EGF: variants seen among roughly 807,000 people sequenced by gnomAD.
EGF encodes the protein pro-epidermal growth factor.
A neutral mutation model predicts 143.8 loss-of-function variants in EGF; 95 were observed. That is an observed-to-expected ratio of 0.66 (90% CI 0.56 to 0.78). The LOEUF (loss-of-function observed/expected upper bound fraction) is 0.78, where lower values mean the gene tolerates loss of function less well. Among genes scored for constraint, EGF ranks in the 30% least tolerant of loss-of-function variants. The probability of loss-of-function intolerance (pLI) is 0.00; values close to 1 mark genes in which losing one functional copy is unlikely to be tolerated. For missense variants in EGF, 1,320 were observed against 1,470.9 expected (o/e 0.90, Z 1.68); for synonymous variants, 510 against 510.5 (o/e 1.00, Z 0.01).
Position 109,913,223 on chromosome 4 carries a change from C to A in EGF, c.-113C>A. 7.4e-7 allele frequency: 1 copy of A among 1,357,068 alleles called. No homozygotes were observed. The highest frequency in any genetic ancestry group is 1.0e-6 in the Non-Finnish European group (1 of 957,590). 84.1% of individuals were successfully genotyped at this position (1,357,068 alleles called of 1,614,324 possible). On this transcript the variant is annotated 5_prime_UTR_variant, in exon 1 of 24. It adds an upstream start codon to the 5' untranslated region. Coordinates refer to ENST00000265171, the MANE Select transcript of EGF (RefSeq NM_001963.6). ...CAGGAGAGTAAAAGATGCCCCAGGG[C>A]TGAGGCCTCCGCTCAGGCAGCCGCA...
chr4:109,983,392 A>C, intron 15 of EGF, 30 bp from the exon 16 acceptor site: 1 of 1,611,198 alleles, frequency 6.2e-7, no homozygotes, highest in Non-Finnish European at 8.5e-7. Flanking sequence ...AGAAAAGCTA[A>C]ATTTAATTGC....
At chr4:110,008,928 G>A (rs544673429) in intron 23 of EGF, among the ~76,000 whole-genome samples, 1 of 152,344 alleles carries the variant, frequency 6.6e-6, no homozygotes, top group African/African-American at 2.4e-5. Context: ...TGTGTCGTGA[G>A]CCTTTGGAAA....
intron 7 of EGF, among the ~76,000 whole-genome samples, chr4:109,961,253 G>A (rs905970641): frequency 1.3e-5 from 2 of 152,018 alleles, no homozygotes; most frequent in African/African-American, 2.4e-5. Flanking sequence ...CTACTGAGGA[G>A]GCTGAGGCAG....
chr4:109,929,364 A>G (rs1339276213), intron 1 of EGF, among the ~76,000 whole-genome samples: 1 of 152,196 alleles, frequency 6.6e-6, no homozygotes, highest in African/African-American at 2.4e-5. Context: ...GTGTTCTCCA[A>G]TTGAATGAAA....
chr4:110,002,733 G>A (rs1180431632), intron 21 of EGF, among the ~76,000 whole-genome samples: 1 of 151,870 alleles, frequency 6.6e-6, no homozygotes, highest in East Asian at 1.9e-4. Flanking sequence ...TGTCACTGGG[G>A]TTTGTTGTAC....
chr4:109,970,605 T>G (rs1315654288), intron 11 of EGF, among the ~76,000 whole-genome samples: 1 of 152,046 alleles, frequency 6.6e-6, no homozygotes, highest in Non-Finnish European at 1.5e-5. Flanking sequence ...GGTGGGCAGA[T>G]CACAAGGTCA....
At chr4:109,998,177 G>A (rs1042254969) in intron 20 of EGF, among the ~76,000 whole-genome samples, 5 of 152,204 alleles carry the variant, frequency 3.3e-5, no homozygotes, top group Admixed American at 2.0e-4. Context: ...AGGATCAGAG[G>A]TGTGGCCCAT....
In EGF at chr4:110,008,697, T is replaced by C. The variant is rs184500306; in HGVS notation, c.3370+467T>C. Among the ~76,000 whole-genome samples, 508 of 152,322 alleles carry C rather than the reference T, an allele frequency of 3.3e-3. 2 individuals are homozygous for C. Among genetic ancestry groups the C allele is most frequent in the Middle Eastern group, 0.017 (5 of 294 alleles). ...GGGATTTCAGAGTATTCAGGTCTTA[T>C]CAGGGGCATGACCTTAGCCAGACGC... On this transcript the variant is annotated intron_variant, in intron 23 of 23. Coordinates refer to ENST00000265171, the MANE Select transcript of EGF (RefSeq NM_001963.6).
chr4:109,972,120 G>A (rs574147118), intron 11 of EGF, among the ~76,000 whole-genome samples: 1 of 152,128 alleles, frequency 6.6e-6, no homozygotes, highest in East Asian at 1.9e-4. Context: ...TTTTCTCTTG[G>A]AGGATCTCAG....
intron 1 of EGF, among the ~76,000 whole-genome samples, chr4:109,935,173 T>C (rs755839735): frequency 2.6e-5 from 4 of 152,220 alleles, no homozygotes; most frequent in African/African-American, 9.7e-5. Flanking sequence ...TTTCACGATA[T>C]TGATTCTTCC....
Position 110,012,025 on chromosome 4 carries a change from G to T in EGF, c.*570G>T. 6.5e-6 allele frequency: 1 copy of T among 152,700 alleles called. No homozygotes were observed. Among genetic ancestry groups the T allele is most frequent in the Non-Finnish European group, 1.5e-5 (1 of 68,368 alleles). The allele number at this position is 152,700 out of a possible 1,614,324, so 9.5% of individuals were successfully genotyped here. A position where few individuals can be genotyped will look rare whatever the true frequency, so the allele number is the denominator to read the frequency against. On this transcript the variant is annotated 3_prime_UTR_variant, in exon 24 of 24. Coordinates refer to ENST00000265171, the MANE Select transcript of EGF (RefSeq NM_001963.6). ...GAAACTGATTTCTTCAGAATTAGAT[G>T]GCTTATTTTTTAAAATATTTGAATG...
chr4:109,983,939 A>G (rs564333242), intron 16 of EGF, among the ~76,000 whole-genome samples: 37 of 152,384 alleles, frequency 2.4e-4, no homozygotes, highest in African/African-American at 8.7e-4. Context: ...TAGGTTGAGC[A>G]CTTCAATTGC....
At chr4:110,008,314 A>C (rs974690608) in intron 23 of EGF, 84 bp downstream of exon 23, 2 of 1,128,048 alleles carry the variant, frequency 1.8e-6, no homozygotes, top group African/African-American at 1.6e-5. Context: ...TCATTTAACC[A>C]CACACACACA....
chr4:109,975,905 C>CTA (rs1748419279), intron 12 of EGF, 107 bp from the exon 13 acceptor site: 1 of 1,246,226 alleles, frequency 8.0e-7, no homozygotes, highest in African/African-American at 1.5e-5. Context: ...CTTAGTGTAC[C>CTA]ACTTTAGTAT....
rs775904938 is a variant in EGF, at chr4:110,008,228, A to G, written c.3368A>G (p.Asp1123Gly). ...GCTGGTGAGGATGGCCAGGCAGCAG[A>G]TGGTCAGTTTTTATCCCTGGCTCCT... Reference protein sequence around the residue: ...PVAGEDGQAADGSMQPTSWRQ... With the variant: ...PVAGEDGQAAGGSMQPTSWRQ... The change falls in exon 23 of 24, where the codon GAT becomes GGT. Residue 1123 changes from aspartate (D) to glycine (G), a missense_variant and splice_region_variant. By Grantham distance (94) the Asp-to-Gly change is moderately conservative. Coordinates refer to ENST00000265171, the MANE Select transcript of EGF (RefSeq NM_001963.6). The G allele has an allele frequency of 1.9e-6, 3 of 1,613,998 alleles. No homozygotes were observed. The highest frequency in any genetic ancestry group is 2.5e-6 in the Non-Finnish European group (3 of 1,179,950).
Position 109,947,362 on chromosome 4 carries a change from T to C in EGF, c.940+2087T>C, listed in dbSNP as rs114857336. Among the ~76,000 whole-genome samples, 844 of 152,182 alleles carry C rather than the reference T, an allele frequency of 5.5e-3. 6 individuals carry two copies. The highest frequency in any genetic ancestry group is 0.019 in the African/African-American group (800 of 41,526). ...AGTGCAGAAACAGAGATAGAATTGTTTATATCTTCTACTTTCTTTTTTTTT... is the reference window on the plus strand; with the variant it reads ...AGTGCAGAAACAGAGATAGAATTGTCTATATCTTCTACTTTCTTTTTTTTT... On this transcript the variant is annotated intron_variant, in intron 5 of 23. Coordinates refer to ENST00000265171, the MANE Select transcript of EGF (RefSeq NM_001963.6).
chr4:110,001,941 A>C, intron 21 of EGF: 1 of 985,414 alleles, frequency 1.0e-6, no homozygotes, highest in Middle Eastern at 5.2e-4. Context: ...CTCTCCGCAA[A>C]GTTTCAGCTA....
intron 1 of EGF, among the ~76,000 whole-genome samples, chr4:109,920,768 G>A (rs917316946): frequency 2.6e-5 from 4 of 151,704 alleles, no homozygotes; most frequent in Non-Finnish European, 5.9e-5. Flanking sequence ...GAATGTAATT[G>A]TCCCCATTGT....
chr4:109,944,312 A>G lies in EGF; in HGVS notation c.737+243A>G, dbSNP rs11568905. ...AAATTAGCCGGGCGTGGTGGCGAGCACCTGTAGTCCCAGCTATTCGGGAGG... is the reference window on the plus strand; with the variant it reads ...AAATTAGCCGGGCGTGGTGGCGAGCGCCTGTAGTCCCAGCTATTCGGGAGG... On this transcript the variant is annotated intron_variant, in intron 4 of 23. Coordinates refer to ENST00000265171, the MANE Select transcript of EGF (RefSeq NM_001963.6). Among the ~76,000 whole-genome samples, 57,674 of 150,694 alleles carry G rather than the reference A, an allele frequency of 0.38. 11,482 individuals carry two copies. Among genetic ancestry groups the G allele is most frequent in the East Asian group, 0.5 (2,577 of 5,148 alleles).
Sources: allele counts gnomAD v4.1 joint callset (sites outside exome capture counted in the v4.1 genomes callset), GRCh38; gene constraint gnomAD v4.1.1; transcripts MANE v1.5; gene names NCBI Gene and HGNC (gene_info 2026-07-23, HGNC 2026-07-21).